CABIN1: variants seen among roughly 807,000 people sequenced by gnomAD.
CABIN1 encodes calcineurin-binding protein cabin-1.
A neutral mutation model predicts 227.7 loss-of-function variants in CABIN1; 133 were observed. The ratio of observed to expected loss-of-function variants is 0.58; its 90% CI spans 0.51 to 0.67. The LOEUF (loss-of-function observed/expected upper bound fraction) is 0.67, where lower values mean the gene tolerates loss of function less well. Ranked by LOEUF, CABIN1 falls within the 30% of genes least tolerant of loss-of-function variation. The pLI is 0.00. For synonymous variants in CABIN1, 1,086 were observed against 1,155.1 expected (o/e 0.94, Z 1.21); for missense variants, 2,408 against 2,852.5 (o/e 0.84, Z 3.55).
At position 24,050,848 on chromosome 22, in the gene CABIN1, C is replaced by T. The variant is rs138213606; in HGVS notation, c.680C>T (p.Ser227Leu). The T allele has an allele frequency of 1.5e-5, 24 of 1,614,068 alleles. No homozygotes were observed. In the East Asian group the frequency reaches 3.1e-4, roughly 21 times the overall value. Residue 227 changes from serine (S) to leucine (L), a missense_variant, in exon 8 of 37, where the codon TCG (serine) becomes TTG (leucine). By Grantham distance (145) the Ser-to-Leu change is moderately radical. Coordinates refer to ENST00000263119, the MANE Select transcript of CABIN1 (RefSeq NM_012295.4). ...AGTGACATGTCGATTCACGATGTTTCGGTGAGTGCAGCTGAGACACAGGCG... is the reference window on the plus strand; with the variant it reads ...AGTGACATGTCGATTCACGATGTTTTGGTGAGTGCAGCTGAGACACAGGCG... ...LKCDMSIHDV[S>L]VSAAETQAIV...
chr22:24,155,831 T>C (rs1010266986), intron 29 of CABIN1: 1 of 427,662 alleles, frequency 2.3e-6, no homozygotes. Context: ...CAGTGAGAGC[T>C]GCACCCACTT....
Position 24,089,122 on chromosome 22 carries a change from G to A in CABIN1, c.3525+1409G>A, listed in dbSNP as rs574400192. Among the ~76,000 whole-genome samples the A allele has an allele frequency of 2.6e-5, 4 of 152,252 alleles. No homozygotes were observed. The East Asian group carries it at 7.7e-4, about 29-fold the overall frequency. Reference sequence around the variant, plus strand: ...GTGGGCTGAGCTGATCATGGTTCTTGGGATTTTCTCCCTAATCTCCCACCA... The same window carrying A: ...GTGGGCTGAGCTGATCATGGTTCTTAGGATTTTCTCCCTAATCTCCCACCA... On this transcript the variant is annotated intron_variant, in intron 23 of 36. Transcript: ENST00000263119.
At chr22:24,025,630 G>A (rs1005809256) in intron 1 of CABIN1, among the ~76,000 whole-genome samples, 1 of 152,192 alleles carries the variant, frequency 6.6e-6, no homozygotes, top group Non-Finnish European at 1.5e-5. Context: ...CAAACGCTCT[G>A]CTGGTTGTTT....
intron 28 of CABIN1, among the ~76,000 whole-genome samples, chr22:24,123,085 G>A (rs1461495846): frequency 6.6e-6 from 1 of 152,132 alleles, no homozygotes; most frequent in African/African-American, 2.4e-5. Context: ...CCCCTCGCCA[G>A]GTCATTTTGG....
intron 1 of CABIN1, among the ~76,000 whole-genome samples, chr22:24,034,723 A>G (rs1003267375): frequency 6.6e-6 from 1 of 152,252 alleles, no homozygotes; most frequent in Non-Finnish European, 1.5e-5. Context: ...ATTCCCAGCA[A>G]CAATGCATGA....
At chr22:24,116,136 A>G (rs2043071040) in intron 27 of CABIN1, among the ~76,000 whole-genome samples, 1 of 152,238 alleles carries the variant, frequency 6.6e-6, no homozygotes, top group African/African-American at 2.4e-5. Flanking sequence ...AGCCTTTCCC[A>G]GAAGTGACTG....
At chr22:24,055,224 A>AC in intron 9 of CABIN1, 65 bp downstream of exon 9, 1 of 1,553,796 alleles carries the variant, frequency 6.4e-7, no homozygotes, top group Non-Finnish European at 8.8e-7. Flanking sequence ...CAGGAATGAG[A>AC]CTGCTGGGGA....
chr22:24,025,353 A>G (rs139900267), intron 1 of CABIN1, among the ~76,000 whole-genome samples: 1 of 152,334 alleles, frequency 6.6e-6, no homozygotes, highest in African/African-American at 2.4e-5. Flanking sequence ...AAGGTGTTCC[A>G]TCTCTTTAAA....
intron 1 of CABIN1, among the ~76,000 whole-genome samples, chr22:24,024,526 C>A (rs1217347327): frequency 2.6e-5 from 4 of 152,124 alleles, no homozygotes; most frequent in Non-Finnish European, 5.9e-5. Flanking sequence ...TCTTAGAGTT[C>A]ATTGAACTTC....
intron 6 of CABIN1, among the ~76,000 whole-genome samples, chr22:24,048,534 C>T (rs767133718): frequency 1.7e-4 from 26 of 152,122 alleles, no homozygotes; most frequent in Non-Finnish European, 2.2e-4. Flanking sequence ...GATTCTCCCA[C>T]ATCAGCCTCC....
chr22:24,158,054 G>A (rs1022420220), intron 29 of CABIN1, among the ~76,000 whole-genome samples: 6 of 152,204 alleles, frequency 3.9e-5, no homozygotes, highest in African/African-American at 4.8e-5. Context: ...GAGTCACCAC[G>A]ACACCCGTGC....
At chr22:24,086,685 A>G (rs2041190410) in intron 22 of CABIN1, among the ~76,000 whole-genome samples, 2 of 152,142 alleles carry the variant, frequency 1.3e-5, no homozygotes, top group Non-Finnish European at 2.9e-5. Flanking sequence ...GCATTCAGCA[A>G]GTCTCAGACT....
chr22:24,143,796 G>T (rs1311057701), intron 29 of CABIN1, among the ~76,000 whole-genome samples: 1 of 152,174 alleles, frequency 6.6e-6, no homozygotes, highest in Non-Finnish European at 1.5e-5. Flanking sequence ...GGCTCTGCAG[G>T]CTGGGAAAAC....
rs771666925 is a variant in CABIN1 at position 24,164,576 on chromosome 22, A to G, written c.4910+13A>G. ...CAGACCAGGGCAAGTGAGTGCAGCCACCCTGGACACAGCCTGGCATGCTGT... is the reference window on the plus strand; with the variant it reads ...CAGACCAGGGCAAGTGAGTGCAGCCGCCCTGGACACAGCCTGGCATGCTGT... On this transcript the variant is annotated intron_variant, in intron 30 of 36. Coordinates refer to ENST00000263119, the MANE Select transcript of CABIN1 (RefSeq NM_012295.4). 3 of 1,601,706 alleles carry G rather than the reference A, an allele frequency of 1.9e-6. No individual in the cohort carries two copies. In the Admixed American group the frequency reaches 5.0e-5, roughly 27 times the overall value.
chr22:24,151,967 T>C (rs923777796), intron 29 of CABIN1, among the ~76,000 whole-genome samples: 1 of 152,198 alleles, frequency 6.6e-6, no homozygotes, highest in African/African-American at 2.4e-5. Flanking sequence ...TATTGGTGAC[T>C]AAGATCCCAG....
At position 24,060,058 on chromosome 22, in the gene CABIN1, C is replaced by T. The variant is rs372084874; in HGVS notation, c.1534C>T (p.Leu512Phe). ...RWPPGLAEVVLSVYHSWRRHS... is the reference protein window; with the variant it reads ...RWPPGLAEVVFSVYHSWRRHS... The stretch of plus-strand genomic sequence containing the variant: ...GCCTCCAGGCTTGGCGGAGGTCGTG[C>T]TCAGCGTCTACCACAGCTGGAGGAG... The change falls in exon 12 of 37, where the codon CTC (leucine) becomes TTC (phenylalanine). Residue 512 changes from leucine to phenylalanine, a missense_variant. Coordinates refer to ENST00000263119, the MANE Select transcript of CABIN1 (RefSeq NM_012295.4). 11 of 1,614,142 alleles carry T rather than the reference C, an allele frequency of 6.8e-6. No homozygotes were observed. Among genetic ancestry groups the T allele is most frequent in the Non-Finnish European group, 8.5e-6 (10 of 1,180,032 alleles).
chr22:24,151,852 C>T (rs1345008795), intron 29 of CABIN1, among the ~76,000 whole-genome samples: 1 of 152,226 alleles, frequency 6.6e-6, no homozygotes, highest in Non-Finnish European at 1.5e-5. Flanking sequence ...ATTCTCCTGT[C>T]TGTCCTAGGC....
Position 24,119,485 on chromosome 22 carries a change from C to T in CABIN1, c.4419C>T (p.Ser1473=). Residue 1473 remains serine, a synonymous_variant, in exon 28 of 37, where the codon TCC becomes TCT. Transcript: ENST00000263119. ...SACIPGKPSA[S]TPTLWDGKKR... ...GCATCCCTGGCAAGCCCTCAGCATC[C>T]ACACCCACCCTGTGGGATGGGAAGA... is the stretch of plus-strand genomic sequence containing the variant. The T allele has an allele frequency of 6.2e-7, 1 of 1,614,114 alleles. No homozygotes were observed. Among genetic ancestry groups the T allele is most frequent in the Non-Finnish European group, 8.5e-7 (1 of 1,180,030 alleles).
chr22:24,090,073 G>A (rs2041441844), intron 23 of CABIN1, among the ~76,000 whole-genome samples: 2 of 152,200 alleles, frequency 1.3e-5, no homozygotes, highest in South Asian at 4.1e-4. Flanking sequence ...AACACAGCAG[G>A]CCCTCAGTGA....
Sources: gnomAD v4.1 joint callset for allele counts (sites outside exome capture counted in the v4.1 genomes callset) on GRCh38, gnomAD v4.1.1 for gene constraint, MANE v1.5 for transcripts, NCBI Gene and HGNC (gene_info 2026-07-23, HGNC 2026-07-21) for gene names.